Variants in IFT122 observed in about 807,000 individuals in gnomAD.
IFT122 encodes the protein intraflagellar transport 122, also known as intraflagellar transport protein 122 homolog.
IFT122 carries 118 observed loss-of-function variants against 161.6 expected under a neutral mutation model. The ratio of observed to expected loss-of-function variants is 0.73; its 90% CI spans 0.63 to 0.85. The LOEUF (loss-of-function observed/expected upper bound fraction) is 0.85. Ranked by LOEUF, IFT122 falls within the 40% of genes least tolerant of loss-of-function variation. IFT122 has a pLI of 0.00. For synonymous variants in IFT122, 550 were observed against 602.4 expected (o/e 0.91, Z 1.27); for missense variants, 1,381 against 1,579.6 (o/e 0.87, Z 2.13).
intron 3 of IFT122, among the ~76,000 whole-genome samples, chr3:129,457,279 T>G (rs1398047351): frequency 6.6e-6 from 1 of 152,246 alleles, no homozygotes; most frequent in South Asian, 2.1e-4. Context: ...CCAAGTAGTA[T>G]GAAAATGCGA....
At chr3:129,460,925 C>T (rs769220816) in intron 4 of IFT122, 1 of 1,613,956 alleles carries the variant, frequency 6.2e-7, no homozygotes, top group East Asian at 2.2e-5. Flanking sequence ...GTAAGAGTAA[C>T]AGCCACAGAT....
chr3:129,503,465 C>G (rs553739878), intron 20 of IFT122, among the ~76,000 whole-genome samples: 128 of 152,264 alleles, frequency 8.4e-4, no homozygotes, highest in African/African-American at 2.8e-3. Context: ...GCAGCTGATG[C>G]TGCCCCTTCT....
chr3:129,476,254 T>G, intron 9 of IFT122, 61 bp from the exon 10 acceptor site: 1 of 1,579,888 alleles, frequency 6.3e-7, no homozygotes, highest in Non-Finnish European at 8.7e-7. Context: ...CCCTTAATTG[T>G]ATTGCAATGG....
chr3:129,488,101 T>A, intron 15 of IFT122, 156 bp from the exon 16 acceptor site: 1 of 1,157,816 alleles, frequency 8.6e-7, no homozygotes, highest in East Asian at 2.5e-5. Context: ...CAGGGTGGGC[T>A]GGGCAGGCTG....
At chr3:129,494,685 A>T (rs1244734845) in intron 17 of IFT122, among the ~76,000 whole-genome samples, 70 of 150,502 alleles carry the variant, frequency 4.7e-4, no homozygotes, top group African/African-American at 1.7e-3. Context: ...AGCTGTGCTA[A>T]GTGTGTGTGT....
At chr3:129,442,744 A>C (rs1390311670) in intron 1 of IFT122, among the ~76,000 whole-genome samples, 1 of 152,050 alleles carries the variant, frequency 6.6e-6, no homozygotes, top group African/African-American at 2.4e-5. Context: ...TGATCCTGTT[A>C]CTCTACTTCT....
intron 22 of IFT122, among the ~76,000 whole-genome samples, chr3:129,507,444 T>C (rs2082301626): frequency 6.6e-6 from 1 of 152,198 alleles, no homozygotes; most frequent in African/African-American, 2.4e-5. Flanking sequence ...CTCCCTGGCC[T>C]TATGCCCTGT....
At chr3:129,488,477 G>A (rs1383041120) in intron 16 of IFT122, 80 bp downstream of exon 16, 14 of 1,586,160 alleles carry the variant, frequency 8.8e-6, no homozygotes, top group East Asian at 2.2e-5. Flanking sequence ...CAGGTGGCAC[G>A]GAGAGGCCAT....
chr3:129,455,900 AG>A (rs2075419897), intron 3 of IFT122, among the ~76,000 whole-genome samples: 1 of 89,736 alleles, frequency 1.1e-5, no homozygotes, highest in African/African-American at 7.9e-5. Context: ...GAATAGGCTG[AG>A]GAGGAGGAGG....
intron 3 of IFT122, chr3:129,456,116 A>C (rs1396194017): frequency 1.9e-6 from 1 of 528,718 alleles, no homozygotes; most frequent in East Asian, 6.8e-5. Flanking sequence ...CAAATAAGGA[A>C]ATGAAAGCTC....
chr3:129,490,986 G>A (rs970007316), intron 16 of IFT122, among the ~76,000 whole-genome samples: 1 of 152,190 alleles, frequency 6.6e-6, no homozygotes, highest in African/African-American at 2.4e-5. Context: ...TTCGTAGTTG[G>A]AGAGCTCTTA....
chr3:129,447,825 A>G (rs933255955), intron 1 of IFT122, among the ~76,000 whole-genome samples: 1 of 152,168 alleles, frequency 6.6e-6, no homozygotes, highest in Non-Finnish European at 1.5e-5. Flanking sequence ...TGTTTATCAT[A>G]CTTAAAGTCT....
At chr3:129,470,408 CG>C (rs2077242792) in intron 9 of IFT122, among the ~76,000 whole-genome samples, 1 of 151,974 alleles carries the variant, frequency 6.6e-6, no homozygotes, top group Admixed American at 6.6e-5. Flanking sequence ...GGACTACAGG[CG>C]CCCACCACCA....
chr3:129,474,949 G>C (rs1477021197), intron 9 of IFT122, among the ~76,000 whole-genome samples: 2 of 152,206 alleles, frequency 1.3e-5, no homozygotes, highest in Non-Finnish European at 2.9e-5. Flanking sequence ...GAGAACAGGA[G>C]TTCAGGACCA....
intron 26 of IFT122, among the ~76,000 whole-genome samples, chr3:129,516,725 C>G (rs571068976): frequency 0.022 from 1,938 of 89,650 alleles, 39 homozygotes; most frequent in Middle Eastern, 0.03. Flanking sequence ...CACACACACA[C>G]AGAGAGACTG....
chr3:129,505,733 T>C (rs2082127976), intron 21 of IFT122, among the ~76,000 whole-genome samples: 1 of 152,326 alleles, frequency 6.6e-6, no homozygotes, highest in South Asian at 2.1e-4. Flanking sequence ...TCAGAAAATA[T>C]CTGTTAAACA....
intron 14 of IFT122, 128 bp downstream of exon 14, chr3:129,481,822 A>G (rs1251034154): frequency 1.0e-5 from 10 of 961,776 alleles, no homozygotes; most frequent in Non-Finnish European, 1.5e-5. Flanking sequence ...GGGGCCAAGC[A>G]CATGCACAGA....
At chr3:129,502,213 T>C (rs1280699797) in intron 19 of IFT122, among the ~76,000 whole-genome samples, 1 of 152,230 alleles carries the variant, frequency 6.6e-6, no homozygotes, top group South Asian at 2.1e-4. Context: ...AGGGCAGTCA[T>C]TGAGGTATTC....
intron 23 of IFT122, among the ~76,000 whole-genome samples, chr3:129,508,244 C>T (rs767825110): frequency 1.7e-4 from 26 of 152,330 alleles, no homozygotes; most frequent in Non-Finnish European, 3.5e-4. Flanking sequence ...CCAAGTAGTT[C>T]TTTTTAGTCA....
Sources: gnomAD v4.1 joint callset for allele counts (sites outside exome capture counted in the v4.1 genomes callset) on GRCh38, gnomAD v4.1.1 for gene constraint, MANE v1.5 for transcripts, NCBI Gene and HGNC (gene_info 2026-07-23, HGNC 2026-07-21) for gene names.